The following NAV3 variants were observed in gnomAD, a reference collection of about 807,000 sequenced individuals.
The protein encoded by NAV3 is pore membrane and/or filament interacting like protein 1.
A neutral mutation model predicts 244.7 loss-of-function variants in NAV3; 87 were observed. The observed-to-expected ratio is 0.36, with a 90% CI of 0.30 to 0.42. The LOEUF (loss-of-function observed/expected upper bound fraction) is 0.42, where lower values mean the gene tolerates loss of function less well. Ranked by LOEUF, NAV3 falls within the 20% of genes least tolerant of loss-of-function variation. The probability of loss-of-function intolerance (pLI) is 1.00; values close to 1 mark genes in which losing one functional copy is unlikely to be tolerated. For missense variants in NAV3, 2,663 were observed against 2,893.3 expected (o/e 0.92, Z 1.83); for synonymous variants, 1,126 against 1,042.2 (o/e 1.08, Z -1.55).
chr12:77,750,289 G>T (rs1233593523), intron 2 of NAV3, among the ~76,000 whole-genome samples: 1 of 152,160 alleles, frequency 6.6e-6, no homozygotes, highest in Admixed American at 6.5e-5. Context: ...GGAGGCAGAG[G>T]TTGCAGTGAG....
At chr12:77,740,063 A>G (rs542727468) in intron 2 of NAV3, among the ~76,000 whole-genome samples, 2 of 152,368 alleles carry the variant, frequency 1.3e-5, no homozygotes, top group South Asian at 2.1e-4. Context: ...ATATTCTTCA[A>G]TTAAGTTATC....
chr12:77,690,546 C>T (rs1320033784), intron 2 of NAV3, among the ~76,000 whole-genome samples: 2 of 151,040 alleles, frequency 1.3e-5, no homozygotes, highest in Non-Finnish European at 3.0e-5. Flanking sequence ...CATATTTATC[C>T]CATCTCTACT....
chr12:77,832,231 C>G (rs80135350), intron 1 of NAV3, among the ~76,000 whole-genome samples: 2,588 of 152,262 alleles, frequency 0.017, 69 homozygotes, highest in African/African-American at 0.059. Flanking sequence ...TGATACTGCA[C>G]ATTTATATGG....
At chr12:77,681,537 A>C (rs1020230953) in intron 2 of NAV3, among the ~76,000 whole-genome samples, 1 of 152,222 alleles carries the variant, frequency 6.6e-6, no homozygotes, top group Non-Finnish European at 1.5e-5. Context: ...ACCTAGTTGA[A>C]ACATCTCCAT....
intron 1 of NAV3, among the ~76,000 whole-genome samples, chr12:77,883,611 A>G (rs150860669): frequency 1.2e-4 from 19 of 152,286 alleles, no homozygotes; most frequent in Middle Eastern, 3.4e-3. Flanking sequence ...TTTTGAAAAG[A>G]AAAAGCCATT....
intron 1 of NAV3, among the ~76,000 whole-genome samples, chr12:77,924,263 G>A (rs1887980559): frequency 6.6e-6 from 1 of 152,058 alleles, no homozygotes; most frequent in Non-Finnish European, 1.5e-5. Flanking sequence ...ACGAAGAATA[G>A]GTTAGAGTAT....
chr12:77,846,739 A>T (rs184020293), intron 1 of NAV3, among the ~76,000 whole-genome samples: 70 of 152,312 alleles, frequency 4.6e-4, no homozygotes, highest in Admixed American at 2.3e-3. Context: ...TTAATGGGAA[A>T]TGTCCTTTCT....
At chr12:77,592,697 G>A (rs1869962885) in intron 2 of NAV3, among the ~76,000 whole-genome samples, 1 of 152,142 alleles carries the variant, frequency 6.6e-6, no homozygotes, top group South Asian at 2.1e-4. Context: ...TTTCACGTAC[G>A]CTAAATTGCT....
At chr12:77,996,739 C>T (rs893549822) in intron 6 of NAV3, among the ~76,000 whole-genome samples, 31 of 151,976 alleles carry the variant, frequency 2.0e-4, no homozygotes, top group Non-Finnish European at 3.4e-4. Flanking sequence ...TTTGGTATAT[C>T]GGATACTAAT....
intron 2 of NAV3, among the ~76,000 whole-genome samples, chr12:77,739,696 T>G (rs1372428735): frequency 1.3e-5 from 2 of 152,090 alleles, no homozygotes; most frequent in African/African-American, 4.8e-5. Flanking sequence ...TTTATGAAAA[T>G]AAGTTTGTGA....
At chr12:77,631,996 C>A (rs1001801408) in intron 2 of NAV3, among the ~76,000 whole-genome samples, 1 of 152,182 alleles carries the variant, frequency 6.6e-6, no homozygotes, top group Non-Finnish European at 1.5e-5. Flanking sequence ...AGAATATACA[C>A]GTGAACAGAG....
At chr12:77,646,354 C>T (rs1317924934) in intron 2 of NAV3, among the ~76,000 whole-genome samples, 1 of 152,164 alleles carries the variant, frequency 6.6e-6, no homozygotes, top group Non-Finnish European at 1.5e-5. Flanking sequence ...TGTAATCCAG[C>T]CTTCCTGCTG....
chr12:77,653,261 A>G (rs985404249), intron 2 of NAV3, among the ~76,000 whole-genome samples: 1 of 152,222 alleles, frequency 6.6e-6, no homozygotes, highest in African/African-American at 2.4e-5. Context: ...TCCCCTTTCT[A>G]TCACTGGTAC....
intron 12 of NAV3, among the ~76,000 whole-genome samples, chr12:78,095,076 C>A (rs1192468015): frequency 2.2e-5 from 3 of 133,998 alleles, no homozygotes; most frequent in African/African-American, 7.7e-5. Flanking sequence ...CACACACACA[C>A]ACACACACAC....
At chr12:77,720,444 A>G (rs1032955062) in intron 2 of NAV3, among the ~76,000 whole-genome samples, 2 of 152,074 alleles carry the variant, frequency 1.3e-5, no homozygotes, top group Non-Finnish European at 2.9e-5. Flanking sequence ...TTTTTGCAGG[A>G]AACTGTACTC....
At chr12:77,620,466 C>G (rs933871990) in intron 2 of NAV3, among the ~76,000 whole-genome samples, 1 of 151,010 alleles carries the variant, frequency 6.6e-6, no homozygotes. Flanking sequence ...ATGATTTGAA[C>G]ATTTTTTTTT....
Position 78,118,195 on chromosome 12 carries a change from T to A in NAV3, c.2938T>A (p.Ser980Thr). 6.2e-7 allele frequency: 1 copy of A among 1,613,182 alleles called. No individual in the cohort carries two copies. ...CCCCGAGAAGGCAGGGCAGAAAGCTTCCCTGTCTGTTTCACAGACAGGTTC... is the reference window on the plus strand; with the variant it reads ...CCCCGAGAAGGCAGGGCAGAAAGCTACCCTGTCTGTTTCACAGACAGGTTC... ...EDPEKAGQKA[S>T]LSVSQTGSWR... The change falls in exon 14 of 40, where the codon TCC becomes ACC. Residue 980 changes from serine (S) to threonine (T), a missense_variant. Around this residue, in one of 6 missense-constraint regions of NAV3, gnomAD observed 1,521 missense variants for 1,497.0 expected, o/e 1.02. Coordinates refer to ENST00000397909, the MANE Select transcript of NAV3 (RefSeq NM_001024383.2).
intron 12 of NAV3, among the ~76,000 whole-genome samples, chr12:78,076,751 T>C (rs1309937549): frequency 6.6e-6 from 1 of 152,142 alleles, no homozygotes; most frequent in Non-Finnish European, 1.5e-5. Context: ...AAAAATACAT[T>C]TGAAATCATT....
intron 2 of NAV3, among the ~76,000 whole-genome samples, chr12:77,820,089 AGTG>A (rs1460644090): frequency 4.6e-5 from 7 of 151,184 alleles, no homozygotes; most frequent in Non-Finnish European, 1.0e-4. Context: ...AATAAATTGA[AGTG>A]TGTGTGTGTG....
Sources: allele counts gnomAD v4.1 joint callset (sites outside exome capture counted in the v4.1 genomes callset), GRCh38; gene constraint gnomAD v4.1.1; regional missense constraint gnomAD v4.1.1; transcripts MANE v1.5; gene names NCBI Gene and HGNC (gene_info 2026-07-23, HGNC 2026-07-21).